Variants in MIAT observed in about 807,000 individuals in gnomAD.
The protein encoded by MIAT is MI related novel mRNA.
exon 5 of MIAT, chr22:26,676,068 C>T: frequency 2.5e-6 from 1 of 398,588 alleles, no homozygotes; most frequent in Admixed American, 4.4e-5. Context: ...TGAGCAGGAT[C>T]TTAGAGCTGA....
At chr22:26,647,780 G>C (rs1930261772) in intron 2 of MIAT, among the ~76,000 whole-genome samples, 1 of 152,060 alleles carries the variant, frequency 6.6e-6, no homozygotes, top group Non-Finnish European at 1.5e-5. Flanking sequence ...AAGCCCAGTA[G>C]GGGATGTTGG....
At chr22:26,663,026 A>G (rs2146009477) in intron 2 of MIAT, among the ~76,000 whole-genome samples, 1 of 152,338 alleles carries the variant, frequency 6.6e-6, no homozygotes, top group East Asian at 1.9e-4. Context: ...TAGTTTGTGG[A>G]TGAGAAGACT....
chr22:26,665,468 G>A (rs1602365774), intron 3 of MIAT: 7 of 398,690 alleles, frequency 1.8e-5, no homozygotes, highest in Middle Eastern at 6.3e-4. Flanking sequence ...TCCACAGAAC[G>A]AGGGGAAAGG....
intron 2 of MIAT, chr22:26,650,388 A>T (rs568682747): frequency 1.3e-5 from 2 of 152,184 alleles, no homozygotes; most frequent in African/African-American, 4.8e-5. Context: ...TTTTGTTATG[A>T]CTGTCCTTGC....
In MIAT at chr22:26,660,747, C is replaced by T. The variant is rs1930634414; in HGVS notation, n.647-2569C>T. ...TGCTTCTTCCCAGGGCAGGATTACA[C>T]TCTTTGAATTTACTTATTCATCAAG... On this transcript the variant is annotated intron_variant and non_coding_transcript_variant, in intron 2 of 5. Coordinates refer to ENST00000643270, the Ensembl canonical transcript of MIAT. 3 of 152,296 alleles carry T rather than the reference C, an allele frequency of 2.0e-5. No homozygotes were observed. The East Asian group carries it at 5.8e-4, about 29-fold the overall frequency. 9.4% of individuals were successfully genotyped at this position (152,296 alleles called of 1,614,324 possible).
downstream of MIAT, chr22:26,674,371 G>A: frequency 2.5e-6 from 1 of 398,946 alleles, no homozygotes. Context: ...GGTAAAAGGT[G>A]GCACTAGTTC....
At chr22:26,663,041 T>G (rs5761666) in intron 2 of MIAT, among the ~76,000 whole-genome samples, 23,919 of 152,176 alleles carry the variant, frequency 0.16, 2,266 homozygotes, top group East Asian at 0.42. Context: ...AAGACTGAGG[T>G]TCACTGTGGT....
chr22:26,654,359 AT>A (rs1217554374), intron 2 of MIAT, among the ~76,000 whole-genome samples: 1 of 152,108 alleles, frequency 6.6e-6, no homozygotes, highest in African/African-American at 2.4e-5. Flanking sequence ...AGGTGGCTTC[AT>A]TTTTTTCCAA....
chr22:26,670,888 G>T (rs1013461777), downstream of MIAT: 61 of 398,466 alleles, frequency 1.5e-4, no homozygotes, highest in African/African-American at 1.2e-3. Flanking sequence ...TGTAGCATTG[G>T]CTGAAAAGGA....
downstream of MIAT, chr22:26,670,517 G>T: frequency 2.7e-6 from 1 of 373,666 alleles, no homozygotes; most frequent in South Asian, 1.4e-4. Flanking sequence ...ACAGGGCCTT[G>T]AAGGATGAGA....
exon 4 of MIAT, chr22:26,665,587 A>C (rs1269571803): frequency 2.5e-6 from 1 of 398,796 alleles, no homozygotes; most frequent in Non-Finnish European, 4.4e-6. Flanking sequence ...GTTCTTCAGG[A>C]CGTTCACAAC....
At chr22:26,667,925 C>T in intron 5 of MIAT, 1 of 338,224 alleles carries the variant, frequency 3.0e-6, no homozygotes, top group Non-Finnish European at 5.3e-6. Context: ...CCTTCCTCAG[C>T]CTCCCAAAGT....
At chr22:26,673,072 TG>T (rs1275673484), downstream of MIAT, 2 of 398,384 alleles carry the variant, frequency 5.0e-6, no homozygotes, top group Non-Finnish European at 8.8e-6. Context: ...GTTGTCGGGT[TG>T]AAAAGGGGTG....
At chr22:26,659,882 C>G (rs1930603212) in intron 2 of MIAT, among the ~76,000 whole-genome samples, 1 of 131,016 alleles carries the variant, frequency 7.6e-6, no homozygotes, top group Non-Finnish European at 1.6e-5. Context: ...TTTGCTCAGG[C>G]TGGAGTGCAG....
intron 2 of MIAT, among the ~76,000 whole-genome samples, chr22:26,649,710 T>G (rs1602353174): frequency 6.6e-6 from 1 of 152,308 alleles, no homozygotes; most frequent in East Asian, 1.9e-4. Flanking sequence ...GTCAAGAGAT[T>G]GAGACTATCC....
chr22:26,664,512 C>T (rs79961667), intron 3 of MIAT, among the ~76,000 whole-genome samples: 5,335 of 152,274 alleles, frequency 0.035, 318 homozygotes, highest in African/African-American at 0.12. Context: ...TGTTCATCCA[C>T]ATCCCATCCA....
Position 26,657,510 on chromosome 22 carries a change from C to G in MIAT, n.647-5806C>G, listed in dbSNP as rs147062430. On this transcript the variant is annotated intron_variant and non_coding_transcript_variant, in intron 2 of 5. Coordinates refer to ENST00000643270, the Ensembl canonical transcript of MIAT. ...CTACAAAGACGACGCCGGCTGCGCT[C>G]GCGGGACCAGAGGGAGGGAGGCTGC... 4.9e-3 allele frequency: 1,942 copies of G among 398,650 alleles called. 24 individuals carry two copies. Among genetic ancestry groups the G allele is most frequent in the South Asian group, 0.032 (255 of 7,864 alleles). The allele number at this position is 398,650 out of a possible 1,614,324, so 24.7% of individuals were successfully genotyped here.
intron 2 of MIAT, among the ~76,000 whole-genome samples, chr22:26,659,201 C>T (rs562712309): frequency 1.0e-3 from 154 of 152,218 alleles, no homozygotes; most frequent in African/African-American, 3.6e-3. Context: ...GCCCCCACCT[C>T]GCCCCTCAAC....
rs1016138869 is a variant in MIAT at position 26,646,784 on chromosome 22, G to A, written n.333G>A. The A allele has an allele frequency of 1.0e-5, 4 of 398,560 alleles. No individual in the cohort carries two copies. The South Asian group carries it at 3.8e-4, about 38-fold the overall frequency. 24.7% of individuals were successfully genotyped at this position (398,560 alleles called of 1,614,324 possible). On this transcript the variant is annotated non_coding_transcript_exon_variant, in exon 1 of 6. Transcript: ENST00000643270. ...CAAACTGTCTTAGTGCTTTCCCCAA[G>A]AGCTTTGTGTTGTTTGTACTATGAG...
Sources: gnomAD v4.1 joint callset for allele counts (sites outside exome capture counted in the v4.1 genomes callset) on GRCh38, gnomAD v4.1.1 for gene constraint, MANE v1.5 for transcripts, NCBI Gene and HGNC (gene_info 2026-07-23, HGNC 2026-07-21) for gene names.